Variants in CARF observed in about 807,000 individuals in gnomAD.
CARF encodes the protein calcium-responsive transcription factor.
Under a neutral mutation model 82.0 loss-of-function variants are expected in CARF, and 57 were observed. That is an observed-to-expected ratio of 0.70 (90% CI 0.56 to 0.87). The LOEUF is 0.87. Ranked by LOEUF, CARF falls within the 40% of genes least tolerant of loss-of-function variation. CARF has a pLI of 0.00. For synonymous variants in CARF, 268 were observed against 290.1 expected (o/e 0.92, Z 0.77); for missense variants, 771 against 855.8 (o/e 0.90, Z 1.24).
intron 5 of CARF, among the ~76,000 whole-genome samples, chr2:202,950,723 G>A (rs2105839303): frequency 6.6e-6 from 1 of 152,208 alleles, no homozygotes; most frequent in Middle Eastern, 3.4e-3. Flanking sequence ...TTTATAAAAT[G>A]TATATACTTG....
intron 9 of CARF, among the ~76,000 whole-genome samples, chr2:202,965,176 T>G (rs751149777): frequency 1.3e-5 from 2 of 152,182 alleles, no homozygotes; most frequent in Non-Finnish European, 2.9e-5. Context: ...TGGGTTTTGC[T>G]TATTCCATCT....
At chr2:202,950,098 T>G (rs2058689180) in intron 5 of CARF, among the ~76,000 whole-genome samples, 1 of 152,220 alleles carries the variant, frequency 6.6e-6, no homozygotes, top group African/African-American at 2.4e-5. Flanking sequence ...AGCAAAGATT[T>G]TAGGTAATTA....
chr2:202,915,426 T>TG (rs1362823163), intron 1 of CARF, among the ~76,000 whole-genome samples: 1 of 152,148 alleles, frequency 6.6e-6, no homozygotes, highest in Non-Finnish European at 1.5e-5. Context: ...CCCCAATAGC[T>TG]GCGATTGCAG....
chr2:202,919,354 G>C (rs1015755992), intron 2 of CARF, among the ~76,000 whole-genome samples: 4 of 152,014 alleles, frequency 2.6e-5, no homozygotes, highest in African/African-American at 9.7e-5. Flanking sequence ...AGTAAATAAA[G>C]TAAAAAAAAT....
intron 3 of CARF, among the ~76,000 whole-genome samples, chr2:202,937,782 G>A (rs775081438): frequency 6.6e-6 from 1 of 151,838 alleles, no homozygotes; most frequent in East Asian, 1.9e-4. Flanking sequence ...GCGCCACCAC[G>A]CCTGGCTAGT....
intron 16 of CARF, among the ~76,000 whole-genome samples, chr2:202,983,147 C>T (rs1187182771): frequency 6.6e-6 from 1 of 152,136 alleles, no homozygotes; most frequent in Non-Finnish European, 1.5e-5. Context: ...TCCCACTCCT[C>T]ACGCAGTGAG....
intron 3 of CARF, among the ~76,000 whole-genome samples, chr2:202,939,950 A>G (rs1181488590): frequency 6.6e-6 from 1 of 152,114 alleles, no homozygotes; most frequent in Non-Finnish European, 1.5e-5. Flanking sequence ...TTGGTCTCCC[A>G]AAGTGCTGGG....
chr2:202,976,040 C>T (rs1574787339), intron 13 of CARF, among the ~76,000 whole-genome samples: 1 of 152,086 alleles, frequency 6.6e-6, no homozygotes, highest in African/African-American at 2.4e-5. Context: ...AGCAAAACTC[C>T]ATCTCAATAA....
intron 3 of CARF, among the ~76,000 whole-genome samples, chr2:202,929,048 A>C (rs1273183980): frequency 1.3e-5 from 2 of 152,124 alleles, no homozygotes; most frequent in Non-Finnish European, 2.9e-5. Context: ...TTCTTTTGAG[A>C]GATGTCTGTT....
At chr2:202,925,662 C>T in intron 3 of CARF, 1 of 215,234 alleles carries the variant, frequency 4.6e-6, no homozygotes, top group Non-Finnish European at 9.5e-6. Flanking sequence ...ATCCCAGATG[C>T]TGAGTAGCAG....
intron 15 of CARF, 90 bp downstream of exon 15, chr2:202,981,775 T>C (rs2060273680): frequency 3.4e-6 from 4 of 1,164,784 alleles, no homozygotes; most frequent in Non-Finnish European, 4.9e-6. Context: ...AGAGAATTGT[T>C]ACAGAATTAT....
chr2:202,919,910 AAAAGGGTT>A (rs140157676), intron 2 of CARF, among the ~76,000 whole-genome samples: 2,347 of 152,274 alleles, frequency 0.015, 90 homozygotes, highest in East Asian at 0.13. Flanking sequence ...CAGCATTGTC[AAAAGGGTT>A]AAATGATATA....
intron 3 of CARF, chr2:202,925,646 G>T (rs1201424188): frequency 1.7e-5 from 4 of 231,126 alleles, no homozygotes; most frequent in Non-Finnish European, 3.5e-5. Flanking sequence ...TTCCTTGGAG[G>T]CTGCCATCCC....
At chr2:202,978,130 G>C (rs1363351026) in intron 14 of CARF, among the ~76,000 whole-genome samples, 1 of 152,222 alleles carries the variant, frequency 6.6e-6, no homozygotes, top group African/African-American at 2.4e-5. Context: ...ACAGGCGTGA[G>C]CCACTGCACC....
intron 10 of CARF, among the ~76,000 whole-genome samples, 173 bp from the exon 11 acceptor site, chr2:202,969,746 A>G (rs2105909150): frequency 6.6e-6 from 1 of 152,260 alleles, no homozygotes; most frequent in East Asian, 1.9e-4. Flanking sequence ...TAATTTGCTA[A>G]GTATTAATAC....
rs2105958189 is a variant in CARF, at chr2:202,986,478, CA to C, written c.*2856del. ...TTCTAAATTAGCAGTAAAAAATTCA[CA>C]ATTACAGCTCAGCTTGTTTATTCAT... On this transcript the variant is annotated 3_prime_UTR_variant, in exon 17 of 17. Transcript: ENST00000438828. The C allele has an allele frequency of 6.6e-6, 1 of 152,124 alleles. No homozygotes were observed. The highest frequency in any genetic ancestry group is 2.1e-4 in the South Asian group (1 of 4,826). The allele number at this position is 152,124 out of a possible 1,614,324, so 9.4% of individuals were successfully genotyped here. A position where few individuals can be genotyped will look rare whatever the true frequency, so the allele number is the denominator to read the frequency against.
intron 9 of CARF, 101 bp downstream of exon 9, chr2:202,961,527 G>A: frequency 1.0e-6 from 1 of 1,001,342 alleles, no homozygotes; most frequent in East Asian, 2.6e-5. Flanking sequence ...TTTGGTAGCT[G>A]ACAATTGAAT....
rs1304513451 is a variant in CARF at position 202,987,119 on chromosome 2, T to C, written c.*3495T>C. The C allele has an allele frequency of 1.3e-5, 2 of 151,498 alleles. No individual in the cohort carries two copies. The highest frequency in any genetic ancestry group is 2.4e-5 in the African/African-American group (1 of 41,268). 9.4% of individuals were successfully genotyped at this position (151,498 alleles called of 1,614,324 possible). On this transcript the variant is annotated 3_prime_UTR_variant, in exon 17 of 17. Coordinates refer to ENST00000438828, the MANE Select transcript of CARF (RefSeq NM_024744.17). ...GGAACCTGAAAGTTTTAAGCATAAC[T>C]ACAAGTAACTCCTGTTAGCATTACA...
rs534135605 is a variant in CARF at position 202,951,385 on chromosome 2, T to C, written c.307-1174T>C. Among the ~76,000 whole-genome samples, 3 of 152,194 alleles carry C rather than the reference T, an allele frequency of 2.0e-5. No homozygotes were observed. The South Asian group carries it at 6.2e-4, about 32-fold the overall frequency. On this transcript the variant is annotated intron_variant, in intron 5 of 16. Coordinates refer to ENST00000438828, the MANE Select transcript of CARF (RefSeq NM_024744.17). Reference sequence around the variant, plus strand: ...CAGTCCCTGTCAAGCATCAGCAATATTTTCATGTTTTACCTAGCAAAAGAG... The same window carrying C: ...CAGTCCCTGTCAAGCATCAGCAATACTTTCATGTTTTACCTAGCAAAAGAG...
Sources: allele counts gnomAD v4.1 joint callset (sites outside exome capture counted in the v4.1 genomes callset), GRCh38; gene constraint gnomAD v4.1.1; transcripts MANE v1.5; gene names NCBI Gene and HGNC (gene_info 2026-07-23, HGNC 2026-07-21).